TMEM62: variants seen among roughly 807,000 people sequenced by gnomAD.
TMEM62 encodes transmembrane protein 62.
In TMEM62, 41 loss-of-function variants were observed where a neutral mutation model predicts 70.4. The ratio of observed to expected loss-of-function variants is 0.58; its 90% confidence interval spans 0.45 to 0.76. The LOEUF (loss-of-function observed/expected upper bound fraction) is 0.76. Among genes scored for constraint, TMEM62 ranks in the 30% least tolerant of loss-of-function variants. The pLI is 0.00. For missense variants in TMEM62, 688 were observed against 788.5 expected, an observed-to-expected ratio of 0.87 and a Z score of 1.53; for synonymous variants, 268 against 291.0, an observed-to-expected ratio of 0.92 and a Z score of 0.80.
At chr15:43,180,580 T>G (rs1252325285) in intron 12 of TMEM62, 1 of 151,970 alleles carries the variant, frequency 6.6e-6, no homozygotes, top group Non-Finnish European at 1.5e-5. Context: ...GGGCAGTAAA[T>G]AATAATAGGG....
At chr15:43,154,579 C>T (rs534366927) in intron 8 of TMEM62, 93 bp from the exon 9 acceptor site, 24 of 1,110,036 alleles carry the variant, frequency 2.2e-5, no homozygotes, top group East Asian at 5.0e-5. Flanking sequence ...TCTGCCTATA[C>T]GTGTATATCT....
intron 8 of TMEM62, among the ~76,000 whole-genome samples, chr15:43,153,035 T>C (rs1555458733): frequency 2.0e-5 from 3 of 152,200 alleles, no homozygotes; most frequent in Non-Finnish European, 4.4e-5. Flanking sequence ...ACAGTTTTTC[T>C]AACCATTTTC....
chr15:43,149,559 A>G (rs2037109198), intron 7 of TMEM62, among the ~76,000 whole-genome samples: 2 of 150,736 alleles, frequency 1.3e-5, no homozygotes, highest in South Asian at 2.1e-4. Flanking sequence ...AGTAGCTGAG[A>G]TTACAGGCAC....
rs12592537 is a variant in TMEM62, at chr15:43,165,349, C to G, written c.1297-4244C>G. On this transcript the variant is annotated intron_variant, in intron 10 of 13. Coordinates refer to ENST00000260403, the MANE Select transcript of TMEM62 (RefSeq NM_024956.4). ...TGATGAGTTCTGCCCTTGAGAAATT[C>G]TGATGCATTTGTCAGTTTGTCAATT... is the stretch of plus-strand genomic sequence containing the variant. 1.2e-4 allele frequency among the ~76,000 whole-genome samples: 18 copies of G among 151,826 alleles called. No individual in the cohort carries two copies. In the East Asian group the frequency reaches 1.5e-3, roughly 13 times the overall value.
chr15:43,181,113 C>T, intron 12 of TMEM62, 68 bp from the exon 13 acceptor site: 1 of 996,026 alleles, frequency 1.0e-6, no homozygotes, highest in Non-Finnish European at 1.6e-6. Context: ...ATAAATGTAT[C>T]TCATGATATA....
intron 11 of TMEM62, among the ~76,000 whole-genome samples, chr15:43,171,628 T>G (rs1225515868): frequency 0.037 from 5,500 of 146,968 alleles, 370 homozygotes; most frequent in African/African-American, 0.13. Context: ...TTTTTTTTTT[T>G]TTTTTTTGTG....
intron 10 of TMEM62, among the ~76,000 whole-genome samples, chr15:43,162,067 A>C (rs1596299015): frequency 1.3e-5 from 2 of 151,488 alleles, no homozygotes; most frequent in African/African-American, 2.4e-5. Flanking sequence ...TGTCTTGACT[A>C]TTTTCTCTTA....
intron 11 of TMEM62, among the ~76,000 whole-genome samples, chr15:43,171,624 T>TG (rs1472677715): frequency 2.0e-4 from 29 of 147,220 alleles, no homozygotes; most frequent in African/African-American, 7.0e-4. Flanking sequence ...CTTTTTTTTT[T>TG]TTTTTTTTTT....
At position 43,184,580 on chromosome 15, in the gene TMEM62, C is replaced by T; in HGVS notation, c.1926C>T (p.Ser642=). Residue 642 remains serine, a synonymous_variant, in exon 14 of 14, where the codon AGC becomes AGT. Coordinates refer to ENST00000260403, the MANE Select transcript of TMEM62 (RefSeq NM_024956.4). The part of the protein sequence containing the change: ...IFMVQLKSHL[S]S ...TGGTGCAGTTAAAAAGCCACCTGAG[C>T]TCCTGAAGGCCATGTCTCACCACTG... 16 of 1,608,624 alleles carry T rather than the reference C, an allele frequency of 9.9e-6. No individual in the cohort carries two copies. Among genetic ancestry groups the T allele is most frequent in the Non-Finnish European group, 1.3e-5 (15 of 1,179,662 alleles).
chr15:43,182,080 T>C (rs935044286), intron 13 of TMEM62, among the ~76,000 whole-genome samples: 1 of 152,252 alleles, frequency 6.6e-6, no homozygotes, highest in African/African-American at 2.4e-5. Context: ...GCAATGTACT[T>C]GTTTAGGAAA....
At chr15:43,166,503 T>G (rs1240945716) in intron 10 of TMEM62, among the ~76,000 whole-genome samples, 2 of 152,158 alleles carry the variant, frequency 1.3e-5, no homozygotes, top group Non-Finnish European at 2.9e-5. Context: ...GCAAATCAAT[T>G]ATTCCTGAAA....
At chr15:43,170,283 C>T (rs1457236090) in intron 11 of TMEM62, among the ~76,000 whole-genome samples, 2 of 152,128 alleles carry the variant, frequency 1.3e-5, no homozygotes, top group Non-Finnish European at 2.9e-5. Context: ...CCTCCCTTTC[C>T]ATCGTGGCTG....
At position 43,135,618 on chromosome 15, in the gene TMEM62, A is replaced by G; in HGVS notation, c.399A>G (p.Lys133=). 1 of 1,602,916 alleles carries G rather than the reference A, an allele frequency of 6.2e-7. No homozygotes were observed. Among genetic ancestry groups the G allele is most frequent in the South Asian group, 1.1e-5 (1 of 88,296 alleles). ...GILKKTRVME[K]TKWLDIKGNH... is the part of the protein sequence containing the mutation. The stretch of plus-strand genomic sequence containing the variant: ...TGAAGAAGACAAGAGTCATGGAAAA[A>G]ACCAAGTGGCTGGATATCAAAGGAA... Residue 133 remains lysine, a synonymous_variant, in exon 3 of 14, where the codon AAA becomes AAG. Coordinates refer to ENST00000260403, the MANE Select transcript of TMEM62 (RefSeq NM_024956.4).
At chr15:43,162,433 C>CTTTTTCTTTTTTTT (rs2038843965) in intron 10 of TMEM62, among the ~76,000 whole-genome samples, 1 of 136,994 alleles carries the variant, frequency 7.3e-6, no homozygotes, top group African/African-American at 3.1e-5. Context: ...GCCCCTGGCC[C>CTTTTTCTTTTTTTT]TTTTTTTTTT....
intron 10 of TMEM62, among the ~76,000 whole-genome samples, chr15:43,167,879 C>T (rs1423999199): frequency 2.0e-5 from 3 of 152,164 alleles, no homozygotes; most frequent in African/African-American, 4.8e-5. Context: ...CCCGGCACCT[C>T]GGGAGGCCGA....
At position 43,184,739 on chromosome 15, in the gene TMEM62, C is replaced by T. The variant is rs2041737061; in HGVS notation, c.*153C>T. 1 of 647,390 alleles carries T rather than the reference C, an allele frequency of 1.5e-6. No individual in the cohort carries two copies. Among genetic ancestry groups the T allele is most frequent in the Non-Finnish European group, 2.7e-6 (1 of 377,348 alleles). 40.1% of individuals were successfully genotyped at this position (647,390 alleles called of 1,614,324 possible). A position where few individuals can be genotyped will look rare whatever the true frequency, so the allele number is the denominator to read the frequency against. On this transcript the variant is annotated 3_prime_UTR_variant, in exon 14 of 14. Coordinates refer to ENST00000260403, the MANE Select transcript of TMEM62 (RefSeq NM_024956.4). ...GGAGTCCTGGACGTTGGAGGGATTA[C>T]CCACTACTGATACCTGCAGAATGGA...
Position 43,177,058 on chromosome 15 carries a change from G to A in TMEM62, c.1382-1549G>A, listed in dbSNP as rs1055231689. The stretch of plus-strand genomic sequence containing the variant: ...GAAGAATGTAGAAGCCTCAGGAGCC[G>A]ATGCGATCAACTGGAAGAAAGGGTA... On this transcript the variant is annotated intron_variant, in intron 11 of 13. Transcript: ENST00000260403. Among the ~76,000 whole-genome samples, 7 of 152,148 alleles carry A rather than the reference G, an allele frequency of 4.6e-5. 1 individual carries two copies. The highest frequency in any genetic ancestry group is 3.9e-4 in the East Asian group (2 of 5,182).
intron 4 of TMEM62, among the ~76,000 whole-genome samples, chr15:43,139,404 G>A (rs544481072): frequency 1.9e-4 from 29 of 152,290 alleles, no homozygotes; most frequent in African/African-American, 7.0e-4. Context: ...TGGCCTCTAA[G>A]TGTTCAAGTG....
chr15:43,151,951 T>C lies in TMEM62; in HGVS notation c.1022+6T>C, dbSNP rs548245917. ...CTTCACTCAACACACATCAGGTATG[T>C]AGCAATTTTTTAGAATTTACTTTCA... On this transcript the variant is annotated splice_donor_region_variant and intron_variant, in intron 8 of 13. Coordinates refer to ENST00000260403, the MANE Select transcript of TMEM62 (RefSeq NM_024956.4). The C allele has an allele frequency of 5.6e-5, 88 of 1,584,290 alleles. No individual in the cohort carries two copies. The highest frequency in any genetic ancestry group is 7.2e-5 in the Non-Finnish European group (84 of 1,166,942).
Sources: gnomAD v4.1 joint callset for allele counts (sites outside exome capture counted in the v4.1 genomes callset) on GRCh38, gnomAD v4.1.1 for gene constraint, MANE v1.5 for transcripts, NCBI Gene and HGNC (gene_info 2026-07-23, HGNC 2026-07-21) for gene names.